Variants in DPY30 observed in about 807,000 individuals in gnomAD.
The protein encoded by DPY30 is protein dpy-30 homolog.
In DPY30, 6 loss-of-function variants were observed where a neutral mutation model predicts 16.2. That is an observed-to-expected ratio of 0.37 (90% CI 0.20 to 0.73). DPY30 has a LOEUF of 0.73. Ranked by LOEUF, DPY30 falls within the 30% of genes least tolerant of loss-of-function variation. DPY30 has a pLI of 0.51. For missense variants in DPY30, 73 were observed against 113.1 expected (o/e 0.65, Z 1.61); for synonymous variants, 39 against 38.8 (o/e 1.00, Z -0.02).
rs368878113 is a variant in DPY30 at position 32,029,064 on chromosome 2, G to C, written c.227+530C>G. 2.0e-5 allele frequency among the ~76,000 whole-genome samples: 3 copies of C among 152,200 alleles called. No homozygotes were observed. The East Asian group carries it at 5.8e-4, about 29-fold the overall frequency. ...AGGCGGGCAGATCACTTGAGGTTAG[G>C]AGTTCAAGACCAGCCTGGCCAACAT... On this transcript the variant is annotated intron_variant, in intron 4 of 4. Coordinates refer to ENST00000342166, the MANE Select transcript of DPY30 (RefSeq NM_001321209.2).
downstream of DPY30, chr2:32,023,650 T>G: frequency 9.1e-7 from 1 of 1,096,604 alleles, no homozygotes; most frequent in Non-Finnish European, 1.2e-6. Context: ...TTATTAGTAC[T>G]CCAACTTTAA....
Position 32,029,326 on chromosome 2 carries a change from A to G in DPY30, c.227+268T>C, listed in dbSNP as rs539921754. Among the ~76,000 whole-genome samples, 6 of 152,338 alleles carry G rather than the reference A, an allele frequency of 3.9e-5. No homozygotes were observed. In the South Asian group the frequency reaches 1.2e-3, roughly 32 times the overall value. On this transcript the variant is annotated intron_variant, in intron 4 of 4. Transcript: ENST00000342166. ...CATGAAGACTGTGGAGAGATACAGAAAAATGTTATGTCATAATAAATAAAA... is the reference window on the plus strand; with the variant it reads ...CATGAAGACTGTGGAGAGATACAGAGAAATGTTATGTCATAATAAATAAAA...
At chr2:32,011,982 G>A (rs1464220617) in exon 6 of DPY30, 1 of 152,336 alleles carries the variant, frequency 6.6e-6, no homozygotes, top group Non-Finnish European at 1.5e-5. Flanking sequence ...CTTGAGCCCA[G>A]GAGGTCGAGG....
downstream of DPY30, chr2:32,023,320 A>G: frequency 2.4e-6 from 1 of 423,168 alleles, no homozygotes; most frequent in Admixed American, 2.9e-5. Flanking sequence ...GACAATGAGA[A>G]TAGACCCCAA....
At chr2:32,021,447 G>T (rs1276866621), downstream of DPY30, among the ~76,000 whole-genome samples, 2 of 152,080 alleles carry the variant, frequency 1.3e-5, no homozygotes, top group African/African-American at 4.8e-5. Context: ...GGAGGCTGAG[G>T]CGGGTGGATC....
intron 3 of DPY30, among the ~76,000 whole-genome samples, chr2:32,030,606 G>A (rs1045320078): frequency 1.3e-5 from 2 of 150,814 alleles, no homozygotes; most frequent in African/African-American, 4.9e-5. Context: ...CTCCAGCCTG[G>A]GCGACAGAGC....
At chr2:32,026,432 A>G (rs1296640826) in intron 4 of DPY30, among the ~76,000 whole-genome samples, 1 of 152,162 alleles carries the variant, frequency 6.6e-6, no homozygotes, top group Non-Finnish European at 1.5e-5. Context: ...AATAAAAAAA[A>G]TTTTTTAAAT....
chr2:32,032,801 G>A (rs1675588858), intron 3 of DPY30, among the ~76,000 whole-genome samples: 1 of 152,136 alleles, frequency 6.6e-6, no homozygotes, highest in Admixed American at 6.5e-5. Context: ...TTCGAGACCA[G>A]CCTGACCAAC....
At chr2:32,032,947 G>C (rs188488360) in intron 3 of DPY30, among the ~76,000 whole-genome samples, 1 of 152,080 alleles carries the variant, frequency 6.6e-6, no homozygotes, top group Non-Finnish European at 1.5e-5. Flanking sequence ...AGTGAGCCAA[G>C]ATTGCGCCAC....
At chr2:32,038,135 C>CTTTTTTT (rs35016868) in intron 3 of DPY30, among the ~76,000 whole-genome samples, 2 of 108,028 alleles carry the variant, frequency 1.9e-5, no homozygotes, top group South Asian at 3.4e-4. Context: ...CATTTTCTTT[C>CTTTTTTT]TTTTTTTTTT....
chr2:32,028,376 C>T (rs1364830121), intron 4 of DPY30, among the ~76,000 whole-genome samples: 1 of 152,042 alleles, frequency 6.6e-6, no homozygotes, highest in Non-Finnish European at 1.5e-5. Context: ...AGAATATGCA[C>T]CTAATAAACG....
chr2:32,029,531 T>C, intron 4 of DPY30, 63 bp downstream of exon 4: 2 of 1,583,766 alleles, frequency 1.3e-6, no homozygotes, highest in Non-Finnish European at 1.7e-6. Flanking sequence ...ACTATGATAT[T>C]TCAGATAGGG....
At chr2:32,035,096 G>A (rs1355946703) in intron 3 of DPY30, among the ~76,000 whole-genome samples, 2 of 149,446 alleles carry the variant, frequency 1.3e-5, no homozygotes, top group East Asian at 2.0e-4. Context: ...GGGACAGAGC[G>A]AGACTCCATT....
At chr2:32,031,075 T>C (rs1447588338) in intron 3 of DPY30, among the ~76,000 whole-genome samples, 1 of 152,130 alleles carries the variant, frequency 6.6e-6, no homozygotes, top group Non-Finnish European at 1.5e-5. Context: ...ATTCAGAGCA[T>C]TAAAAAGTAA....
chr2:32,028,718 G>A (rs1297749222), intron 4 of DPY30, among the ~76,000 whole-genome samples: 1 of 152,138 alleles, frequency 6.6e-6, no homozygotes, highest in Non-Finnish European at 1.5e-5. Context: ...TTGAACTCAT[G>A]AGGTGGAGGT....
upstream of DPY30, chr2:32,039,822 A>G: frequency 3.0e-6 from 1 of 329,576 alleles, no homozygotes; most frequent in Non-Finnish European, 5.7e-6. Context: ...CGGCTGTCGC[A>G]CGACTGCCGC....
chr2:32,029,046 C>T (rs941751776), intron 4 of DPY30, among the ~76,000 whole-genome samples: 3 of 151,936 alleles, frequency 2.0e-5, no homozygotes, highest in Non-Finnish European at 4.4e-5. Context: ...CTGAGGCGGG[C>T]AGATCACTTG....
At chr2:32,022,557 G>A (rs562736198), downstream of DPY30, among the ~76,000 whole-genome samples, 2 of 149,194 alleles carry the variant, frequency 1.3e-5, no homozygotes, top group Admixed American at 6.7e-5. Context: ...TCACTCTGTC[G>A]CCCAGGCTGG....
At chr2:32,026,839 T>C (rs1473763598) in intron 4 of DPY30, among the ~76,000 whole-genome samples, 1 of 151,064 alleles carries the variant, frequency 6.6e-6, no homozygotes, top group East Asian at 1.9e-4. Context: ...AATACAGTAA[T>C]ATTTTAAATT....
Sources: gnomAD v4.1 joint callset for allele counts (sites outside exome capture counted in the v4.1 genomes callset) on GRCh38, gnomAD v4.1.1 for gene constraint, MANE v1.5 for transcripts, NCBI Gene and HGNC (gene_info 2026-07-23, HGNC 2026-07-21) for gene names.